ANKRD27: variants seen among roughly 807,000 people sequenced by gnomAD.
ANKRD27 encodes ankyrin repeat domain-containing protein 27.
In ANKRD27, 112 loss-of-function variants were observed where a neutral mutation model predicts 129.7. The ratio of observed to expected loss-of-function variants is 0.86; its 90% CI spans 0.74 to 1.01. The LOEUF is 1.01. Among genes scored for constraint, ANKRD27 ranks in the 50% least tolerant of loss-of-function variants. ANKRD27 has a pLI of 0.00. For synonymous variants in ANKRD27, 516 were observed against 511.2 expected (o/e 1.01, Z -0.13); for missense variants, 1,258 against 1,300.5 (o/e 0.97, Z 0.50).
chr19:32,641,226 A>T (rs1967194860), intron 10 of ANKRD27, among the ~76,000 whole-genome samples: 1 of 151,866 alleles, frequency 6.6e-6, no homozygotes, highest in East Asian at 1.9e-4. Flanking sequence ...GAAAAAAAAA[A>T]AATATGTTAA....
rs1251768474 is a variant in ANKRD27, at chr19:32,604,331, GA to G, written c.2586del (p.Leu863CysfsTer10). ...ACCTGAACTGACGCTCCGTGGAGCA[GA>G]AGCAGCTCTACCACGAAGACGTGCT... ...IEKHVFVVELLLLHGASVQVL... is the reference protein window; with the variant it reads ...IEKHVFVVELXLLHGASVQVL... On this transcript the variant is annotated frameshift_variant, in exon 25 of 29. Transcript: ENST00000306065. LOFTEE classifies it high-confidence loss of function. 1 of 1,614,002 alleles carries G rather than the reference GA, an allele frequency of 6.2e-7. No homozygotes were observed. The highest frequency in any genetic ancestry group is 8.5e-7 in the Non-Finnish European group (1 of 1,180,014).
At chr19:32,673,427 C>A (rs534521169) in intron 1 of ANKRD27, 3 of 985,282 alleles carry the variant, frequency 3.0e-6, no homozygotes, top group Non-Finnish European at 3.6e-6. Context: ...TTTCCAGCGC[C>A]GAGCTCTGCA....
intron 1 of ANKRD27, among the ~76,000 whole-genome samples, chr19:32,665,588 T>C (rs1299510912): frequency 6.6e-6 from 1 of 152,038 alleles, no homozygotes; most frequent in East Asian, 1.9e-4. Context: ...GCCTCTCAAG[T>C]AGCTGGGACT....
At chr19:32,627,681 A>G (rs1371305463) in intron 15 of ANKRD27, among the ~76,000 whole-genome samples, 2 of 152,200 alleles carry the variant, frequency 1.3e-5, no homozygotes, top group African/African-American at 2.4e-5. Context: ...TACAGGCATG[A>G]GCCACCATGC....
intron 20 of ANKRD27, 119 bp from the exon 21 acceptor site, chr19:32,617,752 AG>A: frequency 3.3e-5 from 13 of 395,912 alleles, no homozygotes; most frequent in Admixed American, 4.1e-5. Flanking sequence ...CGTCTGATTT[AG>A]TTTTTTTTTT....
At chr19:32,604,941 G>A (rs1971709612) in intron 24 of ANKRD27, among the ~76,000 whole-genome samples, 1 of 152,020 alleles carries the variant, frequency 6.6e-6, no homozygotes, top group African/African-American at 2.4e-5. Context: ...GCATGGTGGT[G>A]GGCGCCTGTA....
At position 32,652,359 on chromosome 19, in the gene ANKRD27, G is replaced by A. The variant is rs1021410101; in HGVS notation, c.103-2567C>T. Reference sequence around the variant, plus strand: ...AATTCCAACACTTTGGGAGGCTGAGGCAGGTGGATCACCTGAGGTCAGGAG... The same window carrying A: ...AATTCCAACACTTTGGGAGGCTGAGACAGGTGGATCACCTGAGGTCAGGAG... On this transcript the variant is annotated intron_variant, in intron 2 of 28. Transcript: ENST00000306065. 3.9e-5 allele frequency among the ~76,000 whole-genome samples: 6 copies of A among 152,154 alleles called. No individual in the cohort carries two copies. In the East Asian group the frequency reaches 5.8e-4, roughly 15 times the overall value.
At chr19:32,668,712 G>C (rs1967808359) in intron 1 of ANKRD27, among the ~76,000 whole-genome samples, 1 of 151,558 alleles carries the variant, frequency 6.6e-6, no homozygotes, top group Admixed American at 6.6e-5. Flanking sequence ...CGGACTCCAG[G>C]GTGCTGAGAT....
At chr19:32,627,861 C>A (rs1966918115) in intron 15 of ANKRD27, among the ~76,000 whole-genome samples, 1 of 152,074 alleles carries the variant, frequency 6.6e-6, no homozygotes, top group Non-Finnish European at 1.5e-5. Context: ...GCCGTGGGAC[C>A]CACGCAGGGG....
chr19:32,619,362 C>T lies in ANKRD27; in HGVS notation c.1905G>A (p.Pro635=), dbSNP rs377049560. The T allele has an allele frequency of 5.6e-6, 9 of 1,613,588 alleles. No individual in the cohort carries two copies. The highest frequency in any genetic ancestry group is 2.7e-5 in the African/African-American group (2 of 74,904). ...GGCTGATGGAGTCCACGGAGCGCTG[C>T]GGGGACTGCACAGGGGCCTGCAGCC... The part of the protein sequence containing the change: ...QKSSEAPVQS[P]QRSVDSISQE... The change falls in exon 20 of 29, where the codon CCG becomes CCA. Residue 635 remains proline, a synonymous_variant. Transcript: ENST00000306065.
intron 1 of ANKRD27, among the ~76,000 whole-genome samples, chr19:32,670,439 C>T (rs1257223078): frequency 2.0e-5 from 3 of 151,310 alleles, no homozygotes; most frequent in Admixed American, 6.6e-5. Context: ...CTTGGGAGGC[C>T]GAGGCGGGCG....
At chr19:32,601,179 A>G (rs919621848) in intron 26 of ANKRD27, among the ~76,000 whole-genome samples, 2 of 151,986 alleles carry the variant, frequency 1.3e-5, no homozygotes, top group Non-Finnish European at 2.9e-5. Flanking sequence ...CGTGCCTGTA[A>G]TCCTAGCTAC....
intron 1 of ANKRD27, among the ~76,000 whole-genome samples, chr19:32,662,354 C>T (rs890482358): frequency 5.3e-5 from 8 of 149,638 alleles, no homozygotes; most frequent in African/African-American, 1.7e-4. Context: ...GACTCATTTC[C>T]GCAGCCCCTG....
In ANKRD27 at chr19:32,602,023, C is replaced by T. The variant is rs1276490796; in HGVS notation, c.2759G>A (p.Arg920Lys). 1 of 1,608,466 alleles carries T rather than the reference C, an allele frequency of 6.2e-7. No individual in the cohort carries two copies. Among genetic ancestry groups the T allele is most frequent in the Non-Finnish European group, 8.5e-7 (1 of 1,177,116 alleles). Reference sequence around the variant, plus strand: ...AGAACGTAAACTCTTACATTTTTTCCTGATCTTAACAGTGACATACTCCTT... The same window carrying T: ...AGAACGTAAACTCTTACATTTTTTCTTGATCTTAACAGTGACATACTCCTT... ...DRKEYVTVKIRKKWNSKLYDL... is the reference protein window; with the variant it reads ...DRKEYVTVKIKKKWNSKLYDL... Residue 920 changes from arginine to lysine, a missense_variant, in exon 26 of 29, where the codon AGG becomes AAG. Arg to Lys is a conservative substitution (Grantham distance 26). Coordinates refer to ENST00000306065, the MANE Select transcript of ANKRD27 (RefSeq NM_032139.3).
chr19:32,640,436 G>T, intron 10 of ANKRD27, 51 bp from the exon 11 acceptor site: 2 of 1,488,786 alleles, frequency 1.3e-6, no homozygotes, highest in South Asian at 2.3e-5. Context: ...CAAATGGACT[G>T]ACAAGCATAT....
intron 22 of ANKRD27, among the ~76,000 whole-genome samples, chr19:32,614,908 T>C (rs1169426502): frequency 6.6e-6 from 1 of 152,122 alleles, no homozygotes; most frequent in Non-Finnish European, 1.5e-5. Context: ...TACCACAGTT[T>C]TGCAAGGATG....
In ANKRD27 at chr19:32,615,696, G is replaced by A. The variant is rs1456036700; in HGVS notation, c.2137C>T (p.Pro713Ser). The change falls in exon 22 of 29, where the codon CCG (proline) becomes TCG (serine). Residue 713 changes from proline (P) to serine (S), a missense_variant. Coordinates refer to ENST00000306065, the MANE Select transcript of ANKRD27 (RefSeq NM_032139.3). ...GCACACTTGGGGCACTGGCACAACGGGTGACAGAATTCGGGGTCCGCTGCA... is the reference window on the plus strand; with the variant it reads ...GCACACTTGGGGCACTGGCACAACGAGTGACAGAATTCGGGGTCCGCTGCA... ...VSAADPEFCH[P>S]LCQCPKCAPA... The A allele has an allele frequency of 6.2e-7, 1 of 1,614,080 alleles. No individual in the cohort carries two copies. The highest frequency in any genetic ancestry group is 1.3e-5 in the African/African-American group (1 of 74,920).
intron 1 of ANKRD27, among the ~76,000 whole-genome samples, chr19:32,664,600 A>G (rs1360972330): frequency 6.8e-6 from 1 of 146,100 alleles, no homozygotes; most frequent in African/African-American, 2.5e-5. Context: ...TGGGCAACAG[A>G]GCAAGACTCC....
At position 32,646,488 on chromosome 19, in the gene ANKRD27, G is replaced by A. The variant is rs1291879327; in HGVS notation, c.341C>T (p.Ala114Val). Residue 114 changes from alanine (A) to valine (V), a missense_variant, in exon 4 of 29, where the codon GCC becomes GTC. Transcript: ENST00000306065. ...KEESFSILCIAHPLEKRESSE... is the reference protein window; with the variant it reads ...KEESFSILCIVHPLEKRESSE... ...ACTCTCTCTCTTTTCCAAAGGATGGGCTATACACAGGATGCTGAAACTCTC... is the reference window on the plus strand; with the variant it reads ...ACTCTCTCTCTTTTCCAAAGGATGGACTATACACAGGATGCTGAAACTCTC... The A allele has an allele frequency of 1.2e-6, 2 of 1,614,010 alleles. No individual in the cohort carries two copies. Among genetic ancestry groups the A allele is most frequent in the Admixed American group, 1.7e-5 (1 of 59,986 alleles).
Sources: allele counts gnomAD v4.1 joint callset (sites outside exome capture counted in the v4.1 genomes callset), GRCh38; gene constraint gnomAD v4.1.1; transcripts MANE v1.5; gene names NCBI Gene and HGNC (gene_info 2026-07-23, HGNC 2026-07-21).